EDC3: variants seen among roughly 807,000 people sequenced by gnomAD.
EDC3 encodes the protein enhancer of mRNA-decapping protein 3.
In EDC3, 20 loss-of-function variants were observed where a neutral mutation model predicts 41.8. The ratio of observed to expected loss-of-function variants is 0.48; its 90% CI spans 0.34 to 0.70. The LOEUF (loss-of-function observed/expected upper bound fraction) is 0.70, where lower values mean the gene tolerates loss of function less well. Ranked by LOEUF, EDC3 falls within the 30% of genes least tolerant of loss-of-function variation. The pLI, the probability that EDC3 is intolerant of heterozygous loss-of-function variation, is 0.01. For synonymous variants in EDC3, 206 were observed against 243.2 expected (o/e 0.85, Z 1.42); for missense variants, 444 against 636.8 (o/e 0.70, Z 3.26).
intron 3 of EDC3, among the ~76,000 whole-genome samples, chr15:74,670,010 A>AT (rs757043746): frequency 0.034 from 3,933 of 115,982 alleles, 336 homozygotes; most frequent in African/African-American, 0.075. Flanking sequence ...CGCCCAGCTA[A>AT]TTTTTTTTTT....
chr15:74,645,573 G>GC (rs1373619049), intron 4 of EDC3, among the ~76,000 whole-genome samples: 4 of 144,094 alleles, frequency 2.8e-5, no homozygotes, highest in Admixed American at 6.9e-5. Context: ...TTGGGGGGGG[G>GC]GGGGTGCCAG....
intron 1 of EDC3, among the ~76,000 whole-genome samples, chr15:74,684,644 AAATAAAT>A (rs1187907816): frequency 6.6e-6 from 1 of 152,054 alleles, no homozygotes; most frequent in African/African-American, 2.4e-5. Flanking sequence ...CCAGAAAGTT[AAATAAAT>A]AATAAAGTTA....
At chr15:74,647,144 G>T (rs1201044096) in intron 4 of EDC3, among the ~76,000 whole-genome samples, 3 of 151,930 alleles carry the variant, frequency 2.0e-5, no homozygotes, top group Non-Finnish European at 2.9e-5. Flanking sequence ...TAAGTAGCTG[G>T]AACTACAGGC....
intron 1 of EDC3, among the ~76,000 whole-genome samples, chr15:74,684,829 G>A (rs1382154072): frequency 6.6e-6 from 1 of 152,118 alleles, no homozygotes; most frequent in Non-Finnish European, 1.5e-5. Context: ...TGAAATTTTA[G>A]GCCAGGCATG....
intron 1 of EDC3, among the ~76,000 whole-genome samples, chr15:74,682,617 CA>C (rs61528385): frequency 0.25 from 15,184 of 60,560 alleles, 940 homozygotes; most frequent in East Asian, 0.44. Context: ...GACTCCATCT[CA>C]AAAAAAAAAA....
chr15:74,650,787 C>A (rs576238481), intron 4 of EDC3, among the ~76,000 whole-genome samples: 1 of 152,260 alleles, frequency 6.6e-6, no homozygotes, highest in African/African-American at 2.4e-5. Context: ...CACCTGAGAT[C>A]AGGAATTCGA....
chr15:74,637,011 G>C (rs985853634), intron 5 of EDC3: 15 of 152,240 alleles, frequency 9.9e-5, no homozygotes, highest in African/African-American at 3.6e-4. Flanking sequence ...GCTGGACTGT[G>C]TACCAGCAGT....
In EDC3 at chr15:74,686,831, C is replaced by T. The variant is rs566618205; in HGVS notation, c.-19+9049G>A. On this transcript the variant is annotated intron_variant, in intron 1 of 6. Transcript: ENST00000315127. ...GGGGCAAAAAAGCATATACAGCACT[C>T]CTCCAGGCCAGCCGCAATGGCTCAC... Among the ~76,000 whole-genome samples the T allele has an allele frequency of 2.0e-5, 3 of 151,600 alleles. No homozygotes were observed. In the East Asian group the frequency reaches 5.8e-4, roughly 30 times the overall value.
intron 1 of EDC3, among the ~76,000 whole-genome samples, chr15:74,686,462 G>C (rs1440586168): frequency 6.6e-6 from 1 of 151,964 alleles, no homozygotes; most frequent in African/African-American, 2.4e-5. Flanking sequence ...ACTCCAGCCT[G>C]GGCAACAAGA....
intron 4 of EDC3, chr15:74,645,053 C>A (rs189448780): frequency 6.6e-6 from 1 of 152,260 alleles, no homozygotes; most frequent in Non-Finnish European, 1.5e-5. Context: ...ACAAACAATA[C>A]ATCAAAACTA....
chr15:74,635,893 C>A, intron 5 of EDC3: 1 of 507,582 alleles, frequency 2.0e-6, no homozygotes, highest in Non-Finnish European at 3.6e-6. Flanking sequence ...ACTGTTGCCA[C>A]AACACCGCTT....
intron 4 of EDC3, among the ~76,000 whole-genome samples, chr15:74,651,317 G>C (rs1005254621): frequency 1.2e-4 from 18 of 152,226 alleles, no homozygotes; most frequent in Non-Finnish European, 2.6e-4. Flanking sequence ...GTGACTGCGG[G>C]AGACAGAAGC....
chr15:74,690,975 G>A (rs1170746449), intron 1 of EDC3, among the ~76,000 whole-genome samples: 5 of 152,072 alleles, frequency 3.3e-5, no homozygotes, highest in South Asian at 2.1e-4. Flanking sequence ...AGGGCTGACC[G>A]CTTGAGCCTA....
At chr15:74,668,073 AC>A (rs2062697211) in intron 3 of EDC3, among the ~76,000 whole-genome samples, 1 of 152,142 alleles carries the variant, frequency 6.6e-6, no homozygotes, top group African/African-American at 2.4e-5. Context: ...GTTGTCTTCC[AC>A]CCCCAAACAT....
chr15:74,669,418 A>G (rs1665352967), intron 3 of EDC3, among the ~76,000 whole-genome samples: 1 of 151,612 alleles, frequency 6.6e-6, no homozygotes, highest in Non-Finnish European at 1.5e-5. Flanking sequence ...AGGCTGAGGC[A>G]GGAGAATCAC....
chr15:74,664,969 T>C (rs1463753663), intron 3 of EDC3, among the ~76,000 whole-genome samples: 1 of 152,222 alleles, frequency 6.6e-6, no homozygotes, highest in Non-Finnish European at 1.5e-5. Flanking sequence ...ACAGAGGCAC[T>C]GTCATGCCTA....
In EDC3 at chr15:74,671,679, G is replaced by A; in HGVS notation, c.260C>T (p.Ser87Phe). ...GDLHQTELGP[S>F]GAGCQVGINQ... ...GATGCCCACTTGGCAGCCAGCACCA[G>A]AGGGGCCTAATTCTGTTTGATGAAG... is the stretch of plus-strand genomic sequence containing the variant. Residue 87 changes from serine to phenylalanine, a missense_variant, in exon 3 of 7, where the codon TCT becomes TTT. Around this residue, in one of 3 missense-constraint regions of EDC3, gnomAD observed 200 missense variants for 244.0 expected, o/e 0.82. Transcript: ENST00000315127. This position sits in a 1 kb window ranked among gnomAD's most constrained non-coding sequence, Gnocchi z 4.6. 1.2e-6 allele frequency: 2 copies of A among 1,614,196 alleles called. No individual in the cohort carries two copies. The highest frequency in any genetic ancestry group is 1.7e-6 in the Non-Finnish European group (2 of 1,180,030).
At chr15:74,678,075 G>C (rs988039272) in intron 1 of EDC3, among the ~76,000 whole-genome samples, 4 of 151,458 alleles carry the variant, frequency 2.6e-5, no homozygotes, top group African/African-American at 9.7e-5. Context: ...AAAAGGAGCA[G>C]TGGGTGCCAG....
In EDC3 at chr15:74,655,895, C is replaced by G. The variant is rs2062542308; in HGVS notation, c.658G>C (p.Glu220Gln). 1 of 1,614,106 alleles carries G rather than the reference C, an allele frequency of 6.2e-7. No individual in the cohort carries two copies. Among genetic ancestry groups the G allele is most frequent in the African/African-American group, 1.3e-5 (1 of 75,022 alleles). Residue 220 changes from glutamate (E) to glutamine (Q), a missense_variant, in exon 4 of 7, where the codon GAG becomes CAG. This residue lies in a region of EDC3 where 2 missense variants were observed against 29.0 expected (regional missense o/e 0.07). Transcript: ENST00000315127. ...LALFDKAAVF[E>Q]EIDTYERRSG... is the part of the protein sequence containing the mutation. ...CTCCTTTCATAGGTATCAATCTCCT[C>G]AAACACAGCTGCCTTGTCAAAAAGA...
Sources: allele counts gnomAD v4.1 joint callset (sites outside exome capture counted in the v4.1 genomes callset), GRCh38; gene constraint gnomAD v4.1.1; regional missense constraint gnomAD v4.1.1; non-coding constraint Gnocchi (gnomAD v3.1); transcripts MANE v1.5; gene names NCBI Gene and HGNC (gene_info 2026-07-23, HGNC 2026-07-21).